Variants in CCDC40 observed in about 807,000 individuals in gnomAD.
CCDC40 encodes the protein coiled-coil domain 40 molecular ruler complex subunit.
CCDC40 carries 104 observed loss-of-function variants against 124.5 expected under a neutral mutation model. That is an observed-to-expected ratio of 0.84 (90% confidence interval 0.71 to 0.98). The LOEUF (loss-of-function observed/expected upper bound fraction) is 0.98, where lower values mean the gene tolerates loss of function less well. Ranked by LOEUF, CCDC40 falls within the 50% of genes least tolerant of loss-of-function variation. The pLI is 0.00. For synonymous variants in CCDC40, 580 were observed against 602.9 expected, an observed-to-expected ratio of 0.96 and a Z score of 0.56; for missense variants, 1,463 against 1,503.9, an observed-to-expected ratio of 0.97 and a Z score of 0.45.
Position 80,095,271 on chromosome 17 carries a change from CG to C in CCDC40, c.2844del (p.Gln949SerfsTer3). The C allele has an allele frequency of 6.2e-7, 1 of 1,613,810 alleles. No individual in the cohort carries two copies. The highest frequency in any genetic ancestry group is 8.5e-7 in the Non-Finnish European group (1 of 1,179,992). ...TCTGTCCTGTCTCCCAGGTCAGGCTCGGGCAGCTGCTGAAGCAGCAGGAGAA... is the reference window on the plus strand; with the variant it reads ...TCTGTCCTGTCTCCCAGGTCAGGCTCGGCAGCTGCTGAAGCAGCAGGAGAA... ...GEIHRMKVRL[G>X]QLLKQQEKMI... On this transcript the variant is annotated frameshift_variant, in exon 18 of 20. Transcript: ENST00000397545. LOFTEE classifies it high-confidence loss of function.
At chr17:80,090,166 C>A (rs1567813011) in intron 17 of CCDC40, 2 of 1,169,600 alleles carry the variant, frequency 1.7e-6, no homozygotes, top group Non-Finnish European at 2.4e-6. Context: ...ACAGGACGCA[C>A]ACAGGCACGT....
At chr17:80,075,143 T>G (rs1348269714) in intron 10 of CCDC40, among the ~76,000 whole-genome samples, 1 of 152,134 alleles carries the variant, frequency 6.6e-6, no homozygotes, top group African/African-American at 2.4e-5. Flanking sequence ...CAGGCTGGTC[T>G]TGAACTCCTA....
chr17:80,047,605 G>A (rs965529037), intron 4 of CCDC40, among the ~76,000 whole-genome samples: 5 of 152,320 alleles, frequency 3.3e-5, no homozygotes, highest in South Asian at 4.1e-4. Context: ...AACAGTGACC[G>A]ATGAAGTAGG....
intron 19 of CCDC40, 32 bp downstream of exon 19, chr17:80,097,435 A>C (rs1254152351): frequency 6.2e-7 from 1 of 1,612,578 alleles, no homozygotes; most frequent in African/African-American, 1.3e-5. Flanking sequence ...CCTGGGGATG[A>C]CGGCCATGGA....
intron 16 of CCDC40, 129 bp from the exon 17 acceptor site, chr17:80,089,635 C>A: frequency 8.8e-7 from 1 of 1,130,946 alleles, no homozygotes; most frequent in Non-Finnish European, 1.3e-6. Context: ...GAGAGCCTCA[C>A]GCTTTCTGTC....
In CCDC40 at chr17:80,089,886, T is replaced by C; in HGVS notation, c.2832+2T>C. 6.2e-7 allele frequency: 1 copy of C among 1,613,946 alleles called. No individual in the cohort carries two copies. The highest frequency in any genetic ancestry group is 8.5e-7 in the Non-Finnish European group (1 of 1,179,952). On this transcript the variant is annotated splice_donor_variant, in intron 17 of 19. Coordinates refer to ENST00000397545, the MANE Select transcript of CCDC40 (RefSeq NM_017950.4). LOFTEE classifies it high-confidence loss of function. ...AAGGGCGAGATCCACAGGATGAAGG[T>C]GAGGGGAGGAGAGCGGCGTGGCAGG...
intron 3 of CCDC40, among the ~76,000 whole-genome samples, chr17:80,043,403 G>A (rs939212988): frequency 5.3e-5 from 8 of 152,042 alleles, no homozygotes; most frequent in African/African-American, 1.9e-4. Context: ...CAGGAGATAG[G>A]GCCTGTGTGC....
Position 80,095,452 on chromosome 17 carries a change from G to T in CCDC40, c.3021+1G>T, listed in dbSNP as rs1030809564. The T allele has an allele frequency of 6.2e-7, 1 of 1,614,114 alleles. No homozygotes were observed. The highest frequency in any genetic ancestry group is 2.2e-5 in the East Asian group (1 of 44,882). On this transcript the variant is annotated splice_donor_variant, in intron 18 of 19. Coordinates refer to ENST00000397545, the MANE Select transcript of CCDC40 (RefSeq NM_017950.4). LOFTEE classifies it high-confidence loss of function. ...CCGGAAAATCAGGGACGTTCGCAAG[G>T]TAGGGAGCAGCGGAAAGGAAACAGG... is the stretch of plus-strand genomic sequence containing the variant.
Position 80,086,415 on chromosome 17 carries a change from C to G in CCDC40, c.2449+199C>G, listed in dbSNP as rs563982773. 1 of 584,650 alleles carries G rather than the reference C, an allele frequency of 1.7e-6. No homozygotes were observed. The allele number at this position is 584,650 out of a possible 1,614,324, so 36.2% of individuals were successfully genotyped here. Reference sequence around the variant, plus strand: ...CCAGCTGCCCAGTTCGCAGTCACAGCGGGAGGGTTGAGAAATGTCACGAAA... The same window carrying G: ...CCAGCTGCCCAGTTCGCAGTCACAGGGGGAGGGTTGAGAAATGTCACGAAA... On this transcript the variant is annotated intron_variant, in intron 14 of 19. Coordinates refer to ENST00000397545, the MANE Select transcript of CCDC40 (RefSeq NM_017950.4). The surrounding 1 kb of genome is among the most constrained non-coding windows in gnomAD (Gnocchi z 5.5).
chr17:80,072,748 C>A (rs1955890182), intron 10 of CCDC40, among the ~76,000 whole-genome samples: 1 of 152,118 alleles, frequency 6.6e-6, no homozygotes, highest in African/African-American at 2.4e-5. Flanking sequence ...GTTGCAAGAT[C>A]AGTAGTCTGT....
At chr17:80,045,889 G>A (rs536440112) in intron 3 of CCDC40, among the ~76,000 whole-genome samples, 97 of 150,410 alleles carry the variant, frequency 6.4e-4, no homozygotes, top group Middle Eastern at 3.6e-3. Flanking sequence ...GCAACTGCCT[G>A]TCGAAACTTG....
chr17:80,087,170 T>G lies in CCDC40; in HGVS notation c.2450-437T>G. The G allele has an allele frequency of 3.9e-6, 1 of 253,670 alleles. No homozygotes were observed. Among genetic ancestry groups the G allele is most frequent in the Non-Finnish European group, 7.8e-6 (1 of 127,686 alleles). 15.7% of individuals were successfully genotyped at this position (253,670 alleles called of 1,614,324 possible). ...ATCTTAACATCAAGAAGAGCTGTTG[T>G]TTTCTGCCCCTACCCCTGAGCTTGG... is the stretch of plus-strand genomic sequence containing the variant. On this transcript the variant is annotated intron_variant, in intron 14 of 19. Transcript: ENST00000397545. This position sits in a 1 kb window ranked among gnomAD's most constrained non-coding sequence, Gnocchi z 4.5.
rs2038621382 is a variant in CCDC40 at position 80,087,872 on chromosome 17, C to T, written c.2619+96C>T. 3 of 1,342,080 alleles carry T rather than the reference C, an allele frequency of 2.2e-6. No homozygotes were observed. The highest frequency in any genetic ancestry group is 1.4e-5 in the African/African-American group (1 of 69,428). The allele number at this position is 1,342,080 out of a possible 1,614,324, so 83.1% of individuals were successfully genotyped here. A position where few individuals can be genotyped will look rare whatever the true frequency, so the allele number is the denominator to read the frequency against. On this transcript the variant is annotated intron_variant, in intron 15 of 19. Coordinates refer to ENST00000397545, the MANE Select transcript of CCDC40 (RefSeq NM_017950.4). This position sits in a 1 kb window ranked among gnomAD's most constrained non-coding sequence, Gnocchi z 4.5. ...GTTCTGCACCAGGATGTAATTTCCACACCCGTTCAAGATGCTTGTAGGGGT... is the reference window on the plus strand; with the variant it reads ...GTTCTGCACCAGGATGTAATTTCCATACCCGTTCAAGATGCTTGTAGGGGT...
rs111550470 is a variant in CCDC40 at position 80,097,371 on chromosome 17, G to A, written c.3148G>A (p.Asp1050Asn). ...GGCAGACTTCGACACACTCGAGGCCGACCTCACCCGGCTTGGGGCCCTCAA... is the reference window on the plus strand; with the variant it reads ...GGCAGACTTCGACACACTCGAGGCCAACCTCACCCGGCTTGGGGCCCTCAA... ...IQADFDTLEA[D>N]LTRLGALKRQ... The change falls in exon 19 of 20, where the codon GAC becomes AAC. Residue 1050 changes from aspartate to asparagine, a missense_variant. Coordinates refer to ENST00000397545, the MANE Select transcript of CCDC40 (RefSeq NM_017950.4). 31 of 1,613,878 alleles carry A rather than the reference G, an allele frequency of 1.9e-5. No individual in the cohort carries two copies. In the Middle Eastern group the frequency reaches 4.9e-4, roughly 26 times the overall value.
intron 10 of CCDC40, among the ~76,000 whole-genome samples, chr17:80,074,761 C>T (rs759673645): frequency 6.6e-6 from 1 of 152,156 alleles, no homozygotes; most frequent in Non-Finnish European, 1.5e-5. Flanking sequence ...TTTCAACTTT[C>T]AAGTCTTACT....
chr17:80,068,754 C>T (rs1196089533), intron 10 of CCDC40, among the ~76,000 whole-genome samples: 1 of 152,068 alleles, frequency 6.6e-6, no homozygotes, highest in Non-Finnish European at 1.5e-5. Context: ...AGTTAGTTTA[C>T]ATGAATCGAG....
rs188035750 is a variant in CCDC40 at position 80,038,774 on chromosome 17, G to A, written c.93+588G>A. 6.6e-4 allele frequency among the ~76,000 whole-genome samples: 101 copies of A among 152,106 alleles called. 1 individual carries two copies. In the East Asian group the frequency reaches 0.016, roughly 24 times the overall value. On this transcript the variant is annotated intron_variant, in intron 2 of 19. Transcript: ENST00000397545. ...TGGGAGATGGAGGTTGCAGTGAGCC[G>A]AGATTGTGCCACTGCACTCAGCCTG...
At position 80,086,184 on chromosome 17, in the gene CCDC40, A is replaced by T; in HGVS notation, c.2417A>T (p.His806Leu). 1 of 1,612,948 alleles carries T rather than the reference A, an allele frequency of 6.2e-7. No individual in the cohort carries two copies. Among genetic ancestry groups the T allele is most frequent in the Middle Eastern group, 1.7e-4 (1 of 5,992 alleles). The change falls in exon 14 of 20, where the codon CAC becomes CTC. Residue 806 changes from histidine to leucine, a missense_variant. Physicochemically the swap from His to Leu is moderately conservative, Grantham distance 99. Transcript: ENST00000397545. The surrounding 1 kb of genome is among the most constrained non-coding windows in gnomAD (Gnocchi z 5.5). ...CTGGACGCATCCAAGAAGGAGCTCCACATCATGGAGCAGAAGAAACTACGA... is the reference window on the plus strand; with the variant it reads ...CTGGACGCATCCAAGAAGGAGCTCCTCATCATGGAGCAGAAGAAACTACGA... Reference protein sequence around the residue: ...ASLDASKKELHIMEQKKLRVE... With the variant: ...ASLDASKKELLIMEQKKLRVE...
intron 3 of CCDC40, among the ~76,000 whole-genome samples, chr17:80,040,745 C>G (rs2037257893): frequency 6.6e-6 from 1 of 151,682 alleles, no homozygotes; most frequent in South Asian, 2.1e-4. Context: ...CGGTCAAATG[C>G]TGAGAGATCC....
Sources: allele counts gnomAD v4.1 joint callset (sites outside exome capture counted in the v4.1 genomes callset), GRCh38; gene constraint gnomAD v4.1.1; non-coding constraint Gnocchi (gnomAD v3.1); transcripts MANE v1.5; gene names NCBI Gene and HGNC (gene_info 2026-07-23, HGNC 2026-07-21).